Variants in POLN observed in about 807,000 individuals in gnomAD.
POLN encodes the protein DNA polymerase N.
In POLN, 108 loss-of-function variants were observed where a neutral mutation model predicts 113.5. The ratio of observed to expected loss-of-function variants is 0.95; its 90% CI spans 0.81 to 1.12. The LOEUF is 1.12. Ranked by LOEUF, POLN falls within the 50% of genes most tolerant of loss-of-function variation. POLN has a pLI of 0.00. For missense variants in POLN, 1,097 were observed against 1,077.1 expected, an observed-to-expected ratio of 1.02 and a Z score of -0.26; for synonymous variants, 386 against 391.5, an observed-to-expected ratio of 0.99 and a Z score of 0.17.
chr4:2,170,664 A>T lies in POLN; in HGVS notation c.1554+15T>A. The T allele has an allele frequency of 1.2e-6, 2 of 1,600,646 alleles. No homozygotes were observed. Among genetic ancestry groups the T allele is most frequent in the Non-Finnish European group, 8.6e-7 (1 of 1,169,282 alleles). On this transcript the variant is annotated intron_variant, in intron 13 of 25. Coordinates refer to ENST00000511885, the MANE Select transcript of POLN (RefSeq NM_181808.4). ...TGTCATTCTAAAAAGAAAAAGGATAACTCTGAAACCTTACCACTGCTTCTG... is the reference window on the plus strand; with the variant it reads ...TGTCATTCTAAAAAGAAAAAGGATATCTCTGAAACCTTACCACTGCTTCTG...
At chr4:2,164,851 T>C (rs1732691652) in intron 13 of POLN, among the ~76,000 whole-genome samples, 2 of 88,536 alleles carry the variant, frequency 2.3e-5, no homozygotes, top group Non-Finnish European at 4.9e-5. Context: ...AAGAGTGATC[T>C]TATAAAAACA....
intron 5 of POLN, among the ~76,000 whole-genome samples, chr4:2,201,162 G>A (rs1033543369): frequency 6.6e-6 from 1 of 150,564 alleles, no homozygotes; most frequent in African/African-American, 2.4e-5. Flanking sequence ...AGTTACTCAA[G>A]AGGCTGAGGC....
chr4:2,133,128 A>G (rs35456864), intron 16 of POLN, among the ~76,000 whole-genome samples: 73 of 140,264 alleles, frequency 5.2e-4, no homozygotes, highest in African/African-American at 1.9e-3. Flanking sequence ...GTAAATTTAC[A>G]TGGCTATTAT....
chr4:2,131,627 AT>A (rs1301622742), intron 16 of POLN, among the ~76,000 whole-genome samples: 3 of 152,202 alleles, frequency 2.0e-5, no homozygotes. Flanking sequence ...TGGTAGATTT[AT>A]GTGAAATTTG....
intron 19 of POLN, among the ~76,000 whole-genome samples, chr4:2,109,869 C>A (rs1404185698): frequency 1.3e-5 from 2 of 152,104 alleles, no homozygotes; most frequent in Non-Finnish European, 2.9e-5. Flanking sequence ...TTTCTCCTTT[C>A]TTGGTTATTT....
chr4:2,178,846 G>A (rs575817395), intron 8 of POLN, among the ~76,000 whole-genome samples: 24 of 152,212 alleles, frequency 1.6e-4, no homozygotes, highest in Admixed American at 1.3e-3. Context: ...TCCTGGCCTC[G>A]AGTGATCGGC....
chr4:2,200,274 A>G (rs987352680), intron 5 of POLN, among the ~76,000 whole-genome samples: 48 of 152,322 alleles, frequency 3.2e-4, no homozygotes, highest in African/African-American at 1.2e-3. Context: ...AACTTACTAT[A>G]AAGCGCCAAT....
chr4:2,221,575 CCTA>C (rs1734253561), intron 3 of POLN, among the ~76,000 whole-genome samples: 3 of 151,874 alleles, frequency 2.0e-5, no homozygotes, highest in Admixed American at 2.0e-4. Flanking sequence ...TTGTCTCTTA[CCTA>C]CTTTTTGTTT....
chr4:2,159,018 T>C (rs1732510551), intron 14 of POLN, 137 bp downstream of exon 14: 2 of 724,438 alleles, frequency 2.8e-6, no homozygotes, highest in Admixed American at 5.4e-5. Flanking sequence ...AGTACAAGGT[T>C]AACCTGACAA....
At chr4:2,080,914 A>G (rs1260044879) in intron 23 of POLN, 44 bp downstream of exon 23, 1 of 1,613,324 alleles carries the variant, frequency 6.2e-7, no homozygotes, top group Admixed American at 1.7e-5. Context: ...CCCACAGAAT[A>G]CTAACCCTCC....
intron 4 of POLN, 102 bp from the exon 5 acceptor site, chr4:2,208,589 A>ATTGTGTCTC: frequency 2.1e-6 from 2 of 940,480 alleles, no homozygotes; most frequent in Non-Finnish European, 3.0e-6. Context: ...TAATATGGAG[A>ATTGTGTCTC]CACAATCTTC....
chr4:2,150,698 A>G (rs1199971182), intron 16 of POLN, among the ~76,000 whole-genome samples: 1 of 152,182 alleles, frequency 6.6e-6, no homozygotes, highest in East Asian at 1.9e-4. Flanking sequence ...TTGATAGTAA[A>G]TGTATTTTAG....
At position 2,176,201 on chromosome 4, in the gene POLN, G is replaced by C; in HGVS notation, c.1248+65C>G. ...CACATTCAAACTCCCTGGGAGTGCG[G>C]GTGCCAATGAAAAGACATCTCTTGT... is the stretch of plus-strand genomic sequence containing the variant. On this transcript the variant is annotated intron_variant, in intron 9 of 25. Coordinates refer to ENST00000511885, the MANE Select transcript of POLN (RefSeq NM_181808.4). 3 of 1,294,998 alleles carry C rather than the reference G, an allele frequency of 2.3e-6. No individual in the cohort carries two copies. In the African/African-American group the frequency reaches 4.4e-5, roughly 19 times the overall value. The allele number at this position is 1,294,998 out of a possible 1,614,324, so 80.2% of individuals were successfully genotyped here. A position where few individuals can be genotyped will look rare whatever the true frequency, so the allele number is the denominator to read the frequency against.
intron 16 of POLN, among the ~76,000 whole-genome samples, chr4:2,143,521 T>C (rs1230443157): frequency 6.6e-6 from 1 of 152,142 alleles, no homozygotes; most frequent in Non-Finnish European, 1.5e-5. Flanking sequence ...TGAGCAACTG[T>C]ATAACTATTA....
In POLN at chr4:2,231,956, T is replaced by C. The variant is rs1433020359; in HGVS notation, c.-12-2713A>G. ...TCTTCAAGACTAACAGCCTTAATCT[T>C]TGATTGAGTTTCTAAATTCTCCACA... On this transcript the variant is annotated intron_variant, in intron 2 of 25. Transcript: ENST00000511885. 4 of 1,423,074 alleles carry C rather than the reference T, an allele frequency of 2.8e-6. No homozygotes were observed. In the African/African-American group the frequency reaches 5.8e-5, roughly 20 times the overall value. The allele number at this position is 1,423,074 out of a possible 1,614,324, so 88.2% of individuals were successfully genotyped here.
intron 20 of POLN, chr4:2,089,541 C>T: frequency 1.6e-6 from 2 of 1,224,760 alleles, no homozygotes; most frequent in South Asian, 1.4e-5. Context: ...AAATGTAATT[C>T]TTGGCACTTT....
intron 16 of POLN, among the ~76,000 whole-genome samples, chr4:2,150,397 A>G (rs556562899): frequency 4.2e-4 from 64 of 152,316 alleles, no homozygotes; most frequent in Non-Finnish European, 6.6e-4. Flanking sequence ...AAAGTGGCCA[A>G]TTCTCCCCAG....
At chr4:2,186,388 G>A (rs965468698) in intron 7 of POLN, among the ~76,000 whole-genome samples, 18 of 152,108 alleles carry the variant, frequency 1.2e-4, no homozygotes, top group Admixed American at 1.2e-3. Flanking sequence ...CTGGTCAGTA[G>A]GACCATGTTG....
At chr4:2,085,569 G>A (rs992668329) in intron 21 of POLN, 44 bp downstream of exon 21, 6 of 1,608,264 alleles carry the variant, frequency 3.7e-6, no homozygotes, top group Non-Finnish European at 5.1e-6. Context: ...TCCTCCCACA[G>A]AGGGTTGGCA....
Sources: allele counts gnomAD v4.1 joint callset (sites outside exome capture counted in the v4.1 genomes callset), GRCh38; gene constraint gnomAD v4.1.1; transcripts MANE v1.5; gene names NCBI Gene and HGNC (gene_info 2026-07-23, HGNC 2026-07-21).